The following CSPP1 variants were observed in gnomAD, a reference collection of about 807,000 sequenced individuals.
CSPP1 encodes the protein centrosome and spindle pole-associated protein 1.
A neutral mutation model predicts 164.4 loss-of-function variants in CSPP1; 126 were observed. The observed-to-expected ratio is 0.77, with a 90% CI of 0.66 to 0.89. CSPP1 has a LOEUF of 0.89. Ranked by LOEUF, CSPP1 falls within the 40% of genes least tolerant of loss-of-function variation. The probability of loss-of-function intolerance (pLI) is 0.00; values close to 1 mark genes in which losing one functional copy is unlikely to be tolerated. For synonymous variants in CSPP1, 472 were observed against 476.7 expected, an observed-to-expected ratio of 0.99 and a Z score of 0.13; for missense variants, 1,395 against 1,449.8, an observed-to-expected ratio of 0.96 and a Z score of 0.61.
At chr8:67,102,087 G>T (rs984666521) in intron 7 of CSPP1, among the ~76,000 whole-genome samples, 1 of 152,116 alleles carries the variant, frequency 6.6e-6, no homozygotes, top group Admixed American at 6.5e-5. Flanking sequence ...TTCCAAAAAG[G>T]TTTTTAAAGA....
intron 17 of CSPP1, 106 bp downstream of exon 17, chr8:67,137,709 G>A (rs1035453224): frequency 3.2e-5 from 18 of 555,416 alleles, no homozygotes; most frequent in Non-Finnish European, 4.7e-5. Context: ...CTATAGCAAC[G>A]CATGTATGTA....
intron 16 of CSPP1, among the ~76,000 whole-genome samples, chr8:67,136,936 A>G (rs1221515664): frequency 2.0e-5 from 3 of 152,148 alleles, no homozygotes; most frequent in East Asian, 3.9e-4. Context: ...TGGTGTATAT[A>G]GAGGAACAGG....
intron 15 of CSPP1, among the ~76,000 whole-genome samples, chr8:67,128,066 T>C (rs1820446197): frequency 1.3e-5 from 2 of 152,218 alleles, no homozygotes; most frequent in African/African-American, 2.4e-5. Context: ...TTAGCTTTAG[T>C]CTTTCATAAG....
chr8:67,171,167 G>A (rs903115685), intron 24 of CSPP1, among the ~76,000 whole-genome samples: 2 of 150,320 alleles, frequency 1.3e-5, no homozygotes, highest in African/African-American at 4.9e-5. Context: ...TTGGGAGGCC[G>A]AGGTGAGCAG....
chr8:67,154,261 A>C, intron 19 of CSPP1, 125 bp downstream of exon 19: 1 of 586,918 alleles, frequency 1.7e-6, no homozygotes, highest in Non-Finnish European at 3.0e-6. Flanking sequence ...TATCTAATTT[A>C]TATCAGATCA....
chr8:67,145,817 C>T (rs1824426965), intron 17 of CSPP1, among the ~76,000 whole-genome samples: 1 of 152,074 alleles, frequency 6.6e-6, no homozygotes, highest in African/African-American at 2.4e-5. Context: ...GCCACCGTGC[C>T]CAGCCCCCTT....
chr8:67,064,381 C>T, upstream of CSPP1: 1 of 1,611,170 alleles, frequency 6.2e-7, no homozygotes, highest in South Asian at 1.1e-5. Flanking sequence ...GGGCGGAGCC[C>T]CGGCCCGGAG....
chr8:67,125,353 G>A (rs1819850211), intron 15 of CSPP1, among the ~76,000 whole-genome samples: 1 of 152,170 alleles, frequency 6.6e-6, no homozygotes, highest in Admixed American at 6.5e-5. Context: ...TGTATGTGAT[G>A]AATGGTTATT....
At chr8:67,106,975 G>C (rs117596307) in intron 9 of CSPP1, among the ~76,000 whole-genome samples, 1 of 151,818 alleles carries the variant, frequency 6.6e-6, no homozygotes, top group Non-Finnish European at 1.5e-5. Context: ...TCAGTACCAT[G>C]TAAAGGCTAT....
intron 3 of CSPP1, chr8:67,084,122 G>C (rs1300512503): frequency 6.6e-6 from 1 of 152,068 alleles, no homozygotes; most frequent in Admixed American, 6.5e-5. Flanking sequence ...CTTAAATTCT[G>C]TATCTTTAAA....
At chr8:67,171,358 G>A (rs982817172) in intron 24 of CSPP1, among the ~76,000 whole-genome samples, 2 of 151,132 alleles carry the variant, frequency 1.3e-5, no homozygotes, top group East Asian at 4.1e-4. Flanking sequence ...CTGAGATCAC[G>A]CCACTGCACT....
At chr8:67,116,513 C>T (rs1817964715) in intron 13 of CSPP1, among the ~76,000 whole-genome samples, 1 of 152,046 alleles carries the variant, frequency 6.6e-6, no homozygotes, top group African/African-American at 2.4e-5. Flanking sequence ...TAATGTGGCT[C>T]TTTTACACAT....
At chr8:67,106,810 G>A (rs920379092) in intron 9 of CSPP1, among the ~76,000 whole-genome samples, 5 of 152,096 alleles carry the variant, frequency 3.3e-5, no homozygotes, top group Middle Eastern at 3.4e-3. Flanking sequence ...TTCATTCAAC[G>A]TAAAAACAGT....
chr8:67,159,924 C>CTTTCTTTCTTT (rs1420951665), intron 21 of CSPP1, among the ~76,000 whole-genome samples: 6 of 45,602 alleles, frequency 1.3e-4, no homozygotes, highest in Admixed American at 2.5e-4. Flanking sequence ...TTCTTTCTTT[C>CTTTCTTTCTTT]CTTTCCTTCC....
intron 3 of CSPP1, among the ~76,000 whole-genome samples, chr8:67,078,043 A>T (rs759568464): frequency 6.6e-6 from 1 of 152,208 alleles, no homozygotes. Context: ...ATTATCTTCC[A>T]GCCCTACGTT....
At chr8:67,087,144 C>A (rs1206023070) in intron 4 of CSPP1, among the ~76,000 whole-genome samples, 1 of 142,568 alleles carries the variant, frequency 7.0e-6, no homozygotes, top group Non-Finnish European at 1.5e-5. Context: ...AGTCTGTTTT[C>A]AGCATGCAAT....
intron 29 of CSPP1, among the ~76,000 whole-genome samples, chr8:67,192,066 G>GTTTTTTTTTTTTTTTTTTTTTTTT (rs34907123): frequency 7.7e-6 from 1 of 129,858 alleles, no homozygotes. Context: ...TTGCTGATTT[G>GTTTTTTTTTTTTTTTTTTTTTTTT]TTTTTTTTTT....
intron 17 of CSPP1, among the ~76,000 whole-genome samples, chr8:67,145,380 C>G (rs962834342): frequency 2.6e-5 from 4 of 151,954 alleles, no homozygotes; most frequent in Non-Finnish European, 4.4e-5. Flanking sequence ...CTTTATGGAT[C>G]TTTTCATAGA....
At chr8:67,144,631 G>A (rs1190153620) in intron 17 of CSPP1, among the ~76,000 whole-genome samples, 1 of 152,014 alleles carries the variant, frequency 6.6e-6, no homozygotes, top group Non-Finnish European at 1.5e-5. Flanking sequence ...TGTAGAAACA[G>A]GGTCTCACTA....
Sources: gnomAD v4.1 joint callset for allele counts (sites outside exome capture counted in the v4.1 genomes callset) on GRCh38, gnomAD v4.1.1 for gene constraint, MANE v1.5 for transcripts, NCBI Gene and HGNC (gene_info 2026-07-23, HGNC 2026-07-21) for gene names.